GRID2: variants seen among roughly 807,000 people sequenced by gnomAD.
The protein encoded by GRID2 is glutamate ionotropic receptor delta type subunit 2.
GRID2 carries 33 observed loss-of-function variants against 114.8 expected under a neutral mutation model. That is an observed-to-expected ratio of 0.29 (90% CI 0.22 to 0.38). The LOEUF (loss-of-function observed/expected upper bound fraction) is 0.38, where lower values mean the gene tolerates loss of function less well. Among genes scored for constraint, GRID2 ranks in the 10% least tolerant of loss-of-function variants. GRID2 has a pLI of 1.00. For synonymous variants in GRID2, 505 were observed against 449.9 expected (o/e 1.12, Z -1.55); for missense variants, 1,184 against 1,257.7 (o/e 0.94, Z 0.89).
intron 4 of GRID2, among the ~76,000 whole-genome samples, chr4:93,129,349 T>G (rs570237946): frequency 5.9e-5 from 9 of 152,270 alleles, no homozygotes; most frequent in Non-Finnish European, 1.2e-4. Context: ...AAATACTGTT[T>G]TTTTTGTTTG....
At chr4:93,108,470 C>G (rs949217414) in intron 3 of GRID2, among the ~76,000 whole-genome samples, 2 of 152,080 alleles carry the variant, frequency 1.3e-5, no homozygotes, top group Non-Finnish European at 2.9e-5. Flanking sequence ...AAACTTTATT[C>G]TCTAGTCATG....
intron 7 of GRID2, among the ~76,000 whole-genome samples, chr4:93,227,443 G>T (rs541323888): frequency 6.6e-6 from 1 of 151,928 alleles, no homozygotes; most frequent in African/African-American, 2.4e-5. Context: ...TGGCCAGGCC[G>T]TTCTTGATCT....
At position 92,336,954 on chromosome 4, in the gene GRID2, G is replaced by GTTTTTT. The variant is rs59093874; in HGVS notation, c.88+32226_88+32231dup. Among the ~76,000 whole-genome samples, 95 of 78,130 alleles carry GTTTTTT rather than the reference G, an allele frequency of 1.2e-3. 2 individuals are homozygous for GTTTTTT. Among genetic ancestry groups the GTTTTTT allele is most frequent in the African/African-American group, 1.7e-3 (33 of 18,866 alleles). The allele number at this position is 78,130 out of a possible 152,430, so 51.3% of individuals were successfully genotyped here. ...GGACCAAGTCAGGTCTTTCGTTGTT[G>GTTTTTT]TTTTTTTTTTTTTTTTTTTTTCATG... On this transcript the variant is annotated intron_variant, in intron 1 of 15. Coordinates refer to ENST00000282020, the MANE Select transcript of GRID2 (RefSeq NM_001510.4).
chr4:92,597,706 A>G (rs532193032), intron 2 of GRID2, among the ~76,000 whole-genome samples: 2 of 152,308 alleles, frequency 1.3e-5, no homozygotes, highest in Non-Finnish European at 2.9e-5. Context: ...TGGTGCATGG[A>G]TATGGTAACA....
intron 1 of GRID2, among the ~76,000 whole-genome samples, chr4:92,572,589 G>T (rs906896050): frequency 2.6e-5 from 4 of 151,870 alleles, no homozygotes; most frequent in African/African-American, 9.7e-5. Context: ...CAAAAAAAGA[G>T]AATTTTAGAC....
intron 10 of GRID2, among the ~76,000 whole-genome samples, chr4:93,438,924 T>C (rs936366408): frequency 6.7e-6 from 1 of 149,586 alleles, no homozygotes; most frequent in Non-Finnish European, 1.5e-5. Flanking sequence ...TGAGTGAGAA[T>C]ATGCGGTGTT....
intron 8 of GRID2, among the ~76,000 whole-genome samples, chr4:93,287,400 G>A (rs1219061542): frequency 6.6e-6 from 1 of 152,102 alleles, no homozygotes; most frequent in African/African-American, 2.4e-5. Context: ...AAGTTGCAGA[G>A]GAAAGAGTTT....
intron 13 of GRID2, among the ~76,000 whole-genome samples, chr4:93,517,962 T>C (rs1471604425): frequency 2.8e-5 from 1 of 36,130 alleles, no homozygotes; most frequent in Non-Finnish European, 6.6e-5. Context: ...TATATGTATG[T>C]ATATACATAC....
intron 1 of GRID2, among the ~76,000 whole-genome samples, chr4:92,513,265 C>A (rs115155113): frequency 6.6e-6 from 1 of 151,936 alleles, no homozygotes; most frequent in African/African-American, 2.4e-5. Context: ...CATTTTGTCA[C>A]AGGATTCTGG....
chr4:92,811,326 C>T (rs1306002938), intron 2 of GRID2, among the ~76,000 whole-genome samples: 1 of 151,938 alleles, frequency 6.6e-6, no homozygotes, highest in African/African-American at 2.4e-5. Flanking sequence ...AAGGAAAATT[C>T]CGTGTTTTAG....
chr4:93,303,681 G>GT (rs1208726607), intron 8 of GRID2, among the ~76,000 whole-genome samples: 2 of 152,106 alleles, frequency 1.3e-5, no homozygotes, highest in Non-Finnish European at 2.9e-5. Flanking sequence ...GCCTCTGTGT[G>GT]TTTTTTTGTT....
At chr4:93,696,817 A>C (rs1455424262) in intron 14 of GRID2, among the ~76,000 whole-genome samples, 3 of 152,094 alleles carry the variant, frequency 2.0e-5, no homozygotes, top group Non-Finnish European at 2.9e-5. Context: ...CTATAATCCC[A>C]AATTTTGGCT....
intron 1 of GRID2, among the ~76,000 whole-genome samples, chr4:93,786,862 G>A (rs1161782659): frequency 1.3e-5 from 2 of 152,082 alleles, no homozygotes; most frequent in Non-Finnish European, 2.9e-5. Context: ...AGACAGACTT[G>A]GATTTAACAG....
At chr4:92,978,056 T>G (rs767156378) in intron 2 of GRID2, among the ~76,000 whole-genome samples, 4 of 152,066 alleles carry the variant, frequency 2.6e-5, no homozygotes, top group Non-Finnish European at 4.4e-5. Flanking sequence ...ATAGTCTATA[T>G]AAGTAAGAGA....
At chr4:92,587,899 G>T (rs1161142693) in intron 1 of GRID2, among the ~76,000 whole-genome samples, 1 of 152,078 alleles carries the variant, frequency 6.6e-6, no homozygotes, top group African/African-American at 2.4e-5. Flanking sequence ...TATAAAACAA[G>T]GTTGATAAGA....
At chr4:92,448,542 C>T (rs998995756) in intron 1 of GRID2, among the ~76,000 whole-genome samples, 2 of 151,962 alleles carry the variant, frequency 1.3e-5, no homozygotes, top group African/African-American at 2.4e-5. Flanking sequence ...GTAACTAGCC[C>T]AGTTAGGAAA....
intron 2 of GRID2, among the ~76,000 whole-genome samples, chr4:92,733,792 G>A (rs920968221): frequency 1.3e-5 from 2 of 151,996 alleles, no homozygotes; most frequent in Admixed American, 6.6e-5. Flanking sequence ...CTTTAAAACT[G>A]GTGTGATTAC....
chr4:92,734,141 A>G (rs1736471086), intron 2 of GRID2, among the ~76,000 whole-genome samples: 1 of 152,148 alleles, frequency 6.6e-6, no homozygotes. Context: ...CAGCCCTTAG[A>G]AGTTCAAAGT....
At chr4:92,754,406 C>T (rs1323832047) in intron 2 of GRID2, among the ~76,000 whole-genome samples, 2 of 152,096 alleles carry the variant, frequency 1.3e-5, no homozygotes, top group Admixed American at 6.6e-5. Flanking sequence ...GTAATAGGGG[C>T]TTTCCAAGAG....
Sources: allele counts gnomAD v4.1 joint callset (sites outside exome capture counted in the v4.1 genomes callset), GRCh38; gene constraint gnomAD v4.1.1; transcripts MANE v1.5; gene names NCBI Gene and HGNC (gene_info 2026-07-23, HGNC 2026-07-21).